The following POU2AF1 variants were observed in gnomAD, a reference collection of about 807,000 sequenced individuals.
The protein encoded by POU2AF1 is POU domain class 2-associating factor 1.
POU2AF1 carries 12 observed loss-of-function variants against 26.3 expected under a neutral mutation model. The observed-to-expected ratio is 0.46, with a 90% CI of 0.29 to 0.74. POU2AF1 has a LOEUF of 0.74. Among genes scored for constraint, POU2AF1 ranks in the 30% least tolerant of loss-of-function variants. The pLI, the probability that POU2AF1 is intolerant of heterozygous loss-of-function variation, is 0.09. For missense variants in POU2AF1, 297 were observed against 334.5 expected, an observed-to-expected ratio of 0.89 and a Z score of 0.87; for synonymous variants, 175 against 148.0, an observed-to-expected ratio of 1.18 and a Z score of -1.32.
At chr11:111,372,029 TACACACACACACACACACAC>T (rs374971894) in intron 1 of POU2AF1, among the ~76,000 whole-genome samples, 72 of 121,108 alleles carry the variant, frequency 5.9e-4, no homozygotes, top group East Asian at 1.4e-3. Context: ...CACACACAAA[TACACACACACACACACACAC>T]ACACACACAC....
At chr11:111,377,611 CA>C (rs746862024) in intron 1 of POU2AF1, among the ~76,000 whole-genome samples, 2 of 152,204 alleles carry the variant, frequency 1.3e-5, no homozygotes, top group South Asian at 2.1e-4. Context: ...ACTTAACATA[CA>C]AAAAACCTAA....
intron 1 of POU2AF1, among the ~76,000 whole-genome samples, chr11:111,375,420 G>A (rs145354942): frequency 0.41 from 24,171 of 59,118 alleles, 3,162 homozygotes; most frequent in South Asian, 0.63. Flanking sequence ...TTTTTGAGGC[G>A]GAGTCTCGCT....
intron 1 of POU2AF1, among the ~76,000 whole-genome samples, chr11:111,375,057 A>G (rs1464742434): frequency 6.6e-6 from 1 of 152,238 alleles, no homozygotes; most frequent in African/African-American, 2.4e-5. Context: ...AGGCATATCC[A>G]TGACATAATA....
chr11:111,355,588 C>A (rs570596410), intron 4 of POU2AF1, among the ~76,000 whole-genome samples: 5 of 152,286 alleles, frequency 3.3e-5, no homozygotes, highest in African/African-American at 9.6e-5. Flanking sequence ...TTTTCTCAAC[C>A]TCCTGGGGAT....
chr11:111,357,985 C>A (rs1239317951), intron 2 of POU2AF1, 148 bp from the exon 3 acceptor site: 4 of 854,862 alleles, frequency 4.7e-6, no homozygotes, highest in African/African-American at 1.7e-5. Flanking sequence ...CGTATCCCAA[C>A]CATCACCACC....
Position 111,354,193 on chromosome 11 carries a change from T to G in POU2AF1, c.*68A>C. On this transcript the variant is annotated 3_prime_UTR_variant, in exon 5 of 5. Transcript: ENST00000393067. ...TGACTACTCCAAACAAGCATGAACC[T>G]GGGGCTCAATTCCAGGCTCATTTTA... 6.5e-7 allele frequency: 1 copy of G among 1,538,570 alleles called. No homozygotes were observed. The highest frequency in any genetic ancestry group is 1.4e-5 in the African/African-American group (1 of 72,282).
Position 111,366,930 on chromosome 11 carries a change from A to G in POU2AF1, c.17-8012T>C, listed in dbSNP as rs116858494. On this transcript the variant is annotated intron_variant, in intron 1 of 4. Transcript: ENST00000393067. ...CTCTAGGTTGTATTAGGCTGAAGTC[A>G]AGATCCCACTGACCCACAGAAGACC... Among the ~76,000 whole-genome samples, 760 of 152,218 alleles carry G rather than the reference A, an allele frequency of 5.0e-3. 5 individuals carry two copies. Among genetic ancestry groups the G allele is most frequent in the Non-Finnish European group, 8.0e-3 (546 of 67,980 alleles).
Position 111,354,445 on chromosome 11 carries a change from G to T in POU2AF1, c.587C>A (p.Pro196Gln), listed in dbSNP as rs761279575. 2 of 1,613,920 alleles carry T rather than the reference G, an allele frequency of 1.2e-6. No individual in the cohort carries two copies. Among genetic ancestry groups the T allele is most frequent in the Admixed American group, 1.7e-5 (1 of 59,972 alleles). Reference protein sequence around the residue: ...LPTSTLQYQPPAPALPGPQFV... With the variant: ...LPTSTLQYQPQAPALPGPQFV... ...CTGGGGCCCAGGTAGGGCTGGGGCC[G>T]GAGGCTGGTACTGCAGGGTGGAGGT... The change falls in exon 5 of 5, where the codon CCG (proline) becomes CAG (glutamine). Residue 196 changes from proline (P) to glutamine (Q), a missense_variant. Pro to Gln is a moderately conservative substitution (Grantham distance 76). Coordinates refer to ENST00000393067, the MANE Select transcript of POU2AF1 (RefSeq NM_006235.3).
chr11:111,379,225 C>T lies in POU2AF1; in HGVS notation c.-48G>A. The T allele has an allele frequency of 6.2e-7, 1 of 1,613,500 alleles. No individual in the cohort carries two copies. The highest frequency in any genetic ancestry group is 1.1e-5 in the South Asian group (1 of 91,082). ...TTTCTCTTTGAAGCCGACAGTTTGG[C>T]TTCTTTAATGTGAGACCGGGGTGTG... On this transcript the variant is annotated 5_prime_UTR_variant, in exon 1 of 5. Transcript: ENST00000393067.
At chr11:111,370,469 G>A (rs953520026) in intron 1 of POU2AF1, among the ~76,000 whole-genome samples, 3 of 152,148 alleles carry the variant, frequency 2.0e-5, no homozygotes, top group African/African-American at 7.2e-5. Context: ...TTGCTAAAAA[G>A]AGGGGTAGAT....
intron 1 of POU2AF1, among the ~76,000 whole-genome samples, chr11:111,372,198 C>T (rs1300828199): frequency 6.6e-6 from 1 of 152,090 alleles, no homozygotes; most frequent in Non-Finnish European, 1.5e-5. Context: ...ACATCGGGCT[C>T]TCTACTAAAA....
intron 1 of POU2AF1, among the ~76,000 whole-genome samples, chr11:111,373,454 G>T (rs1251954384): frequency 1.3e-5 from 2 of 152,192 alleles, no homozygotes; most frequent in Admixed American, 6.5e-5. Flanking sequence ...GAGCATTCCA[G>T]TGTGTAGCCA....
At chr11:111,359,571 C>G (rs1163935292) in intron 1 of POU2AF1, among the ~76,000 whole-genome samples, 3 of 152,234 alleles carry the variant, frequency 2.0e-5, no homozygotes, top group African/African-American at 7.2e-5. Flanking sequence ...CTCTGTGCCT[C>G]TTAATCTTCA....
rs994260417 is a variant in POU2AF1 at position 111,353,665 on chromosome 11, G to T, written c.*596C>A. The stretch of plus-strand genomic sequence containing the variant: ...TGCTGTCGGGGCTGGTCTTCCCGCC[G>T]GCCACCACATACATCTTAAAATTAC... On this transcript the variant is annotated 3_prime_UTR_variant, in exon 5 of 5. Coordinates refer to ENST00000393067, the MANE Select transcript of POU2AF1 (RefSeq NM_006235.3). 1 of 234,010 alleles carries T rather than the reference G, an allele frequency of 4.3e-6. No individual in the cohort carries two copies. The highest frequency in any genetic ancestry group is 2.2e-5 in the African/African-American group (1 of 45,446). The allele number at this position is 234,010 out of a possible 1,614,324, so 14.5% of individuals were successfully genotyped here. A position where few individuals can be genotyped will look rare whatever the true frequency, so the allele number is the denominator to read the frequency against.
intron 1 of POU2AF1, among the ~76,000 whole-genome samples, chr11:111,364,668 CCAGGGTGGATAA>C (rs1861071345): frequency 6.6e-6 from 1 of 152,248 alleles, no homozygotes; most frequent in South Asian, 2.1e-4. Context: ...GGGCCAGGCA[CCAGGGTGGATAA>C]CAGTTAAGAG....
chr11:111,359,556 A>C, intron 1 of POU2AF1: 1 of 187,612 alleles, frequency 5.3e-6, no homozygotes. Context: ...CAAGTTACTA[A>C]ACCTCTCTGT....
At chr11:111,374,305 T>C (rs1687907767) in intron 1 of POU2AF1, among the ~76,000 whole-genome samples, 1 of 152,142 alleles carries the variant, frequency 6.6e-6, no homozygotes, top group African/African-American at 2.4e-5. Flanking sequence ...ACCAATTAAA[T>C]CTGTGTATTT....
chr11:111,363,380 A>G, intron 1 of POU2AF1: 2 of 1,019,746 alleles, frequency 2.0e-6, no homozygotes, highest in Non-Finnish European at 2.4e-6. Context: ...AAAGGAGCCC[A>G]ACGGCCAAGT....
In POU2AF1 at chr11:111,377,872, G is replaced by A. The variant is rs77184279; in HGVS notation, c.16+1290C>T. ...CATCGCCTGTTGGGAAGAGTGGCGT[G>A]CCAACAATTCTTGAATATTCCTAGT... On this transcript the variant is annotated intron_variant, in intron 1 of 4. Transcript: ENST00000393067. 485 of 181,590 alleles carry A rather than the reference G, an allele frequency of 2.7e-3. 5 individuals carry two copies. In the East Asian group the frequency reaches 0.037, roughly 14 times the overall value. The allele number at this position is 181,590 out of a possible 1,614,324, so 11.2% of individuals were successfully genotyped here. A position where few individuals can be genotyped will look rare whatever the true frequency, so the allele number is the denominator to read the frequency against.
Sources: gnomAD v4.1 joint callset for allele counts (sites outside exome capture counted in the v4.1 genomes callset) on GRCh38, gnomAD v4.1.1 for gene constraint, MANE v1.5 for transcripts, NCBI Gene and HGNC (gene_info 2026-07-23, HGNC 2026-07-21) for gene names.